The following GRHL3 variants were observed in gnomAD, a reference collection of about 807,000 sequenced individuals.
GRHL3 encodes grainyhead like transcription factor 3.
A neutral mutation model predicts 70.3 loss-of-function variants in GRHL3; 20 were observed. The ratio of observed to expected loss-of-function variants is 0.28; its 90% CI spans 0.20 to 0.41. The LOEUF (loss-of-function observed/expected upper bound fraction) is 0.41. Among genes scored for constraint, GRHL3 ranks in the 10% least tolerant of loss-of-function variants. The pLI, the probability that GRHL3 is intolerant of heterozygous loss-of-function variation, is 1.00. For missense variants in GRHL3, 637 were observed against 762.3 expected, an observed-to-expected ratio of 0.84 and a Z score of 1.94; for synonymous variants, 299 against 299.9, an observed-to-expected ratio of 1.00 and a Z score of 0.03.
At chr1:24,330,217 T>C (rs938448711) in intron 1 of GRHL3, among the ~76,000 whole-genome samples, 1 of 152,258 alleles carries the variant, frequency 6.6e-6, no homozygotes, top group Non-Finnish European at 1.5e-5. Flanking sequence ...TTCTTTGGGA[T>C]GATAACATTA....
rs1639857052 is a variant in GRHL3, at chr1:24,337,214, C to T, written c.686+63C>T. 5.3e-6 allele frequency: 6 copies of T among 1,141,972 alleles called. No homozygotes were observed. In the African/African-American group the frequency reaches 7.6e-5, roughly 15 times the overall value. The allele number at this position is 1,141,972 out of a possible 1,614,324, so 70.7% of individuals were successfully genotyped here. A position where few individuals can be genotyped will look rare whatever the true frequency, so the allele number is the denominator to read the frequency against. ...GTGGGCAGGAGGCTGCAGACAGAGC[C>T]CCACACTGTCCCCAGAGCATAGCAG... is the stretch of plus-strand genomic sequence containing the variant. On this transcript the variant is annotated intron_variant, in intron 5 of 15. Transcript: ENST00000361548.
At chr1:24,323,667 C>A (rs527511256) in intron 1 of GRHL3, among the ~76,000 whole-genome samples, 1 of 152,316 alleles carries the variant, frequency 6.6e-6, no homozygotes, top group South Asian at 2.1e-4. Flanking sequence ...GGCACAAGGC[C>A]TGACTCTATG....
rs1569846075 is a variant in GRHL3 at position 24,321,612 on chromosome 1, G to A, written c.17+2044G>A. The A allele has an allele frequency of 6.6e-6, 1 of 152,370 alleles. No homozygotes were observed. The highest frequency in any genetic ancestry group is 1.5e-5 in the Non-Finnish European group (1 of 68,176). 9.4% of individuals were successfully genotyped at this position (152,370 alleles called of 1,614,324 possible). ...CACTTACCAACAGCAGGATCCTGGT[G>A]AATTTGTTTGTCCTCCCTGACCCTC... On this transcript the variant is annotated intron_variant, in intron 1 of 15. Coordinates refer to ENST00000361548, the MANE Select transcript of GRHL3 (RefSeq NM_198173.3). The surrounding 1 kb of genome is among the most constrained non-coding windows in gnomAD (Gnocchi z 4.0).
chr1:24,328,070 C>T (rs1557691740), intron 1 of GRHL3, among the ~76,000 whole-genome samples: 1 of 152,194 alleles, frequency 6.6e-6, no homozygotes, highest in Non-Finnish European at 1.5e-5. Flanking sequence ...CCGCCTTCCT[C>T]CTGCCTTGTG....
intron 1 of GRHL3, among the ~76,000 whole-genome samples, chr1:24,331,021 A>G (rs1639585085): frequency 6.6e-6 from 1 of 152,258 alleles, no homozygotes. Flanking sequence ...CAACTTCTTC[A>G]GTAGAACTCA....
At chr1:24,331,122 C>A (rs140085787) in intron 1 of GRHL3, among the ~76,000 whole-genome samples, 1 of 152,180 alleles carries the variant, frequency 6.6e-6, no homozygotes, top group African/African-American at 2.4e-5. Flanking sequence ...TGAATAAGTA[C>A]GCACTATGAA....
chr1:24,363,231 C>T (rs1641237047), intron 15 of GRHL3, among the ~76,000 whole-genome samples: 1 of 152,192 alleles, frequency 6.6e-6, no homozygotes, highest in South Asian at 2.1e-4. Context: ...GTGTTCTTGG[C>T]AAGATGGGTT....
chr1:24,330,937 T>G (rs1639579849), intron 1 of GRHL3, among the ~76,000 whole-genome samples: 1 of 152,260 alleles, frequency 6.6e-6, no homozygotes, highest in African/African-American at 2.4e-5. Context: ...GCCCTGGCTC[T>G]CTCTGTCATA....
downstream of GRHL3, chr1:24,357,772 G>A (rs1240633858): frequency 5.2e-6 from 1 of 192,880 alleles, no homozygotes; most frequent in African/African-American, 2.3e-5. Context: ...TCCACATAGA[G>A]AGACGAAAGC....
chr1:24,361,163 T>G (rs532147), intron 15 of GRHL3: 1 of 853,824 alleles, frequency 1.2e-6, no homozygotes, highest in Non-Finnish European at 1.7e-6. Flanking sequence ...GTCACGGCAC[T>G]GGGGCAGAGC....
chr1:24,343,893 G>A (rs371942850), intron 11 of GRHL3, among the ~76,000 whole-genome samples: 1 of 152,090 alleles, frequency 6.6e-6, no homozygotes, highest in African/African-American at 2.4e-5. Flanking sequence ...TGAGAAGAGC[G>A]GCCAGTGCTG....
At chr1:24,337,219 A>T in intron 5 of GRHL3, 68 bp downstream of exon 5, 1 of 1,121,954 alleles carries the variant, frequency 8.9e-7, no homozygotes. Flanking sequence ...AGAGCCCCAC[A>T]CTGTCCCCAG....
At position 24,331,409 on chromosome 1, in the gene GRHL3, T is replaced by G. The variant is rs769318655; in HGVS notation, c.18-17T>G. ...CTCTGGGATAGCCTAAATTTGACTC[T>G]CCTTACTTGCATTCAGTTTCAGGTC... is the stretch of plus-strand genomic sequence containing the variant. On this transcript the variant is annotated splice_polypyrimidine_tract_variant and intron_variant, in intron 1 of 15. Transcript: ENST00000361548. The G allele has an allele frequency of 1.3e-6, 2 of 1,592,082 alleles. No individual in the cohort carries two copies.
At chr1:24,331,641 G>C (rs367922250) in intron 2 of GRHL3, 29 bp downstream of exon 2, 1 of 1,585,060 alleles carries the variant, frequency 6.3e-7, no homozygotes, top group African/African-American at 1.3e-5. Flanking sequence ...GACATGCCCC[G>C]TTTTGACTGA....
At chr1:24,358,589 T>A (rs777879742), downstream of GRHL3, 1 of 1,614,104 alleles carries the variant, frequency 6.2e-7, no homozygotes, top group South Asian at 1.1e-5. Flanking sequence ...GAGGAAGGAC[T>A]GCTTTCCTGG....
chr1:24,335,584 ATTTTTT>A (rs11382769), intron 3 of GRHL3, among the ~76,000 whole-genome samples: 1 of 142,896 alleles, frequency 7.0e-6, no homozygotes, highest in Non-Finnish European at 1.5e-5. Context: ...CTCAAAACTA[ATTTTTT>A]TTTTTTTTTT....
intron 14 of GRHL3, 37 bp downstream of exon 14, chr1:24,347,590 C>A (rs1400891474): frequency 1.4e-6 from 2 of 1,467,022 alleles, no homozygotes; most frequent in South Asian, 1.1e-5. Flanking sequence ...CATGGCAGAC[C>A]CCCTCTAGGC....
intron 4 of GRHL3, 106 bp downstream of exon 4, chr1:24,336,933 A>G: frequency 4.1e-6 from 5 of 1,234,008 alleles, no homozygotes; most frequent in Non-Finnish European, 5.8e-6. Flanking sequence ...GGGGGAAAGC[A>G]TCCTAGAGCT....
chr1:24,327,453 G>A (rs529494384), intron 1 of GRHL3, among the ~76,000 whole-genome samples: 1 of 152,270 alleles, frequency 6.6e-6, no homozygotes, highest in South Asian at 2.1e-4. Context: ...AAATAGAAGG[G>A]CTAAGTGCCT....
Sources: allele counts gnomAD v4.1 joint callset (sites outside exome capture counted in the v4.1 genomes callset), GRCh38; gene constraint gnomAD v4.1.1; non-coding constraint Gnocchi (gnomAD v3.1); transcripts MANE v1.5; gene names NCBI Gene and HGNC (gene_info 2026-07-23, HGNC 2026-07-21).